Variants in TMEM63C observed in about 807,000 individuals in gnomAD.
TMEM63C encodes the protein transmembrane protein 63C.
TMEM63C carries 32 observed loss-of-function variants against 99.2 expected under a neutral mutation model. That is an observed-to-expected ratio of 0.32 (90% CI 0.24 to 0.43). The LOEUF (loss-of-function observed/expected upper bound fraction) is 0.43. TMEM63C is among the 20% of genes least tolerant of loss of function. The pLI, the probability that TMEM63C is intolerant of heterozygous loss-of-function variation, is 1.00. For missense variants in TMEM63C, 826 were observed against 1,053.0 expected (o/e 0.78, Z 2.98); for synonymous variants, 376 against 397.9 (o/e 0.94, Z 0.66).
chr14:77,244,049 G>A (rs912153947), intron 15 of TMEM63C, among the ~76,000 whole-genome samples: 3 of 151,896 alleles, frequency 2.0e-5, no homozygotes, highest in Non-Finnish European at 2.9e-5. Context: ...TGTCATCACA[G>A]CAAAGGCAAT....
chr14:77,220,439 A>C (rs1469082247), intron 5 of TMEM63C, among the ~76,000 whole-genome samples: 2 of 151,722 alleles, frequency 1.3e-5, no homozygotes, highest in Admixed American at 6.6e-5. Flanking sequence ...TCAAGGCCTC[A>C]CCTCCCATTT....
In TMEM63C at chr14:77,257,546, A is replaced by C. The variant is rs1260127826; in HGVS notation, c.*820A>C. 6.6e-6 allele frequency: 1 copy of C among 152,216 alleles called. No individual in the cohort carries two copies. The highest frequency in any genetic ancestry group is 1.5e-5 in the Non-Finnish European group (1 of 68,030). 9.4% of individuals were successfully genotyped at this position (152,216 alleles called of 1,614,324 possible). A position where few individuals can be genotyped will look rare whatever the true frequency, so the allele number is the denominator to read the frequency against. ...AGACGACAGAAGCCGAATTCATGGA[A>C]GGGGGGTCTTCTCCCCAAAACTCTG... On this transcript the variant is annotated 3_prime_UTR_variant, in exon 24 of 24. Coordinates refer to ENST00000298351, the MANE Select transcript of TMEM63C (RefSeq NM_020431.4).
rs370323914 is a variant in TMEM63C, at chr14:77,239,484, C to T, written c.798C>T (p.Asp266=). The T allele has an allele frequency of 4.6e-4, 737 of 1,613,384 alleles. No individual in the cohort carries two copies. Among genetic ancestry groups the T allele is most frequent in the Non-Finnish European group, 5.8e-4 (689 of 1,179,848 alleles). ...ACGTCAGGAACCTGATCGACTTGGA[C>T]GATCAGAGGTGAGGCTGCAGCGGGG... ...CYDVRNLIDL[D]DQRRHAMRGR... is the part of the protein sequence containing the mutation. Residue 266 remains aspartate, a synonymous_variant, in exon 11 of 24, where the codon GAC becomes GAT. Coordinates refer to ENST00000298351, the MANE Select transcript of TMEM63C (RefSeq NM_020431.4).
chr14:77,199,970 C>CT (rs1483307150), intron 1 of TMEM63C, among the ~76,000 whole-genome samples: 1 of 152,180 alleles, frequency 6.6e-6, no homozygotes, highest in East Asian at 1.9e-4. Context: ...CCCCACCATC[C>CT]TTTTTCCAGA....
intron 1 of TMEM63C, among the ~76,000 whole-genome samples, chr14:77,198,496 AG>A (rs1475420807): frequency 2.0e-5 from 3 of 152,212 alleles, no homozygotes; most frequent in Admixed American, 2.0e-4. Flanking sequence ...AGTCAGGGTG[AG>A]GGCAAAATGG....
intron 6 of TMEM63C, among the ~76,000 whole-genome samples, chr14:77,227,123 T>C (rs1888842716): frequency 6.6e-6 from 1 of 152,266 alleles, no homozygotes; most frequent in East Asian, 1.9e-4. Context: ...CTAGAGACAG[T>C]AGAGAGCCAA....
rs1889149091 is a variant in TMEM63C at position 77,240,535 on chromosome 14, G to C, written c.991G>C (p.Glu331Gln). ...EEQLTDEFNA[E>Q]LNRVPLKRLD... ...GCAGCTAACGGACGAGTTCAACGCCGAGCTCAACCGCGTGCCGCTCAAGCG... is the reference window on the plus strand; with the variant it reads ...GCAGCTAACGGACGAGTTCAACGCCCAGCTCAACCGCGTGCCGCTCAAGCG... The change falls in exon 13 of 24, where the codon GAG (glutamate) becomes CAG (glutamine). Residue 331 changes from glutamate (E) to glutamine (Q), a missense_variant. By Grantham distance (29) the Glu-to-Gln change is conservative. Coordinates refer to ENST00000298351, the MANE Select transcript of TMEM63C (RefSeq NM_020431.4). 6.2e-7 allele frequency: 1 copy of C among 1,611,848 alleles called. No individual in the cohort carries two copies. The highest frequency in any genetic ancestry group is 1.3e-5 in the African/African-American group (1 of 74,932).
Position 77,219,448 on chromosome 14 carries a change from G to A in TMEM63C, c.151-50G>A, listed in dbSNP as rs74061146. ...GGGAATGCAGGGGGCCAGCCAAGGG[G>A]AAGGGATCCATGAAGTCTCCCACCC... On this transcript the variant is annotated intron_variant, in intron 3 of 23. Transcript: ENST00000298351. The A allele has an allele frequency of 1.9e-6, 3 of 1,600,170 alleles. No individual in the cohort carries two copies. In the South Asian group the frequency reaches 3.3e-5, roughly 18 times the overall value.
At chr14:77,224,860 G>A (rs910448090) in intron 5 of TMEM63C, among the ~76,000 whole-genome samples, 2 of 152,012 alleles carry the variant, frequency 1.3e-5, no homozygotes, top group Admixed American at 6.5e-5. Context: ...AATAAGTGGG[G>A]TCTTGCTGTG....
At chr14:77,215,742 A>C (rs1389966633) in intron 2 of TMEM63C, among the ~76,000 whole-genome samples, 1 of 152,000 alleles carries the variant, frequency 6.6e-6, no homozygotes, top group Non-Finnish European at 1.5e-5. Flanking sequence ...CACCCAGCCA[A>C]CAGCCTGACT....
intron 2 of TMEM63C, among the ~76,000 whole-genome samples, chr14:77,215,817 G>C (rs1275190283): frequency 6.6e-6 from 1 of 152,044 alleles, no homozygotes; most frequent in Non-Finnish European, 1.5e-5. Flanking sequence ...TGCTCCAGCA[G>C]TTCCCCCCTC....
At chr14:77,222,166 C>G (rs965755685) in intron 5 of TMEM63C, among the ~76,000 whole-genome samples, 11 of 152,218 alleles carry the variant, frequency 7.2e-5, no homozygotes, top group African/African-American at 2.4e-4. Context: ...ATATTGTAGT[C>G]ATTTGGGGTT....
At position 77,236,683 on chromosome 14, in the gene TMEM63C, T is replaced by C. The variant is rs1889067282; in HGVS notation, c.602T>C (p.Met201Thr). 6.2e-7 allele frequency: 1 copy of C among 1,612,892 alleles called. No homozygotes were observed. The highest frequency in any genetic ancestry group is 8.5e-7 in the Non-Finnish European group (1 of 1,179,364). The change falls in exon 9 of 24, where the codon ATG becomes ACG. Residue 201 changes from methionine (M) to threonine (T), a missense_variant. By Grantham distance (81) the Met-to-Thr change is moderately conservative. Transcript: ENST00000298351. The stretch of plus-strand genomic sequence containing the variant: ...TTCTTCTACTTCATCACCAACTTCA[T>C]GTTCATGGCTCATCACTGCCTGGGG... Reference protein sequence around the residue: ...LSFFYFITNFMFMAHHCLGFA... With the variant: ...LSFFYFITNFTFMAHHCLGFA...
intron 1 of TMEM63C, among the ~76,000 whole-genome samples, chr14:77,191,827 A>G (rs1362534982): frequency 6.6e-6 from 1 of 151,962 alleles, no homozygotes; most frequent in Non-Finnish European, 1.5e-5. Context: ...TACAGGCATG[A>G]GCCACCAAGC....
rs868135838 is a variant in TMEM63C, at chr14:77,203,386, A to G, written c.-76-10060A>G. Among the ~76,000 whole-genome samples the G allele has an allele frequency of 1.4e-3, 134 of 97,086 alleles. 1 individual carries two copies. Among genetic ancestry groups the G allele is most frequent in the African/African-American group, 6.9e-3 (131 of 18,874 alleles). 63.7% of individuals were successfully genotyped at this position (97,086 alleles called of 152,430 possible). Reference sequence around the variant, plus strand: ...AAAAGAGCGAAACTCCATCTTGAAAAAAAAAAAAAAAAAAACAATAAAGAG... The same window carrying G: ...AAAAGAGCGAAACTCCATCTTGAAAGAAAAAAAAAAAAAAACAATAAAGAG... On this transcript the variant is annotated intron_variant, in intron 1 of 23. Coordinates refer to ENST00000298351, the MANE Select transcript of TMEM63C (RefSeq NM_020431.4).
intron 1 of TMEM63C, among the ~76,000 whole-genome samples, chr14:77,190,111 A>AATT (rs1216824392): frequency 1.2e-4 from 12 of 98,234 alleles, no homozygotes; most frequent in African/African-American, 5.6e-4. Context: ...GAGAAAATAG[A>AATT]ATTATGATTA....
chr14:77,235,355 T>C (rs981793326), intron 8 of TMEM63C, among the ~76,000 whole-genome samples: 3 of 136,604 alleles, frequency 2.2e-5, no homozygotes, highest in East Asian at 2.2e-4. Context: ...GAGACTGTGA[T>C]AGGTGAGAGG....
chr14:77,242,574 A>G, intron 14 of TMEM63C, 105 bp downstream of exon 14: 4 of 1,431,136 alleles, frequency 2.8e-6, no homozygotes, highest in Non-Finnish European at 3.8e-6. Flanking sequence ...CAGAGACTCC[A>G]AGGGGACTAA....
chr14:77,222,080 T>C (rs1191482815), intron 5 of TMEM63C, among the ~76,000 whole-genome samples: 1 of 152,166 alleles, frequency 6.6e-6, no homozygotes, highest in African/African-American at 2.4e-5. Flanking sequence ...AACTTTTAAA[T>C]TCCTGTCTCC....
Sources: allele counts gnomAD v4.1 joint callset (sites outside exome capture counted in the v4.1 genomes callset), GRCh38; gene constraint gnomAD v4.1.1; transcripts MANE v1.5; gene names NCBI Gene and HGNC (gene_info 2026-07-23, HGNC 2026-07-21).